FRYL: variants seen among roughly 807,000 people sequenced by gnomAD.
FRYL encodes protein furry homolog-like.
Under a neutral mutation model 351.2 loss-of-function variants are expected in FRYL, and 150 were observed. The ratio of observed to expected loss-of-function variants is 0.43; its 90% confidence interval spans 0.37 to 0.49. The LOEUF is 0.49. FRYL is among the 20% of genes least tolerant of loss of function. The pLI is 0.00. For synonymous variants in FRYL, 1,153 were observed against 1,257.1 expected, an observed-to-expected ratio of 0.92 and a Z score of 1.75; for missense variants, 3,036 against 3,619.3, an observed-to-expected ratio of 0.84 and a Z score of 4.13.
chr4:48,731,784 C>T (rs1208794137), intron 1 of FRYL, among the ~76,000 whole-genome samples: 1 of 152,090 alleles, frequency 6.6e-6, no homozygotes, highest in African/African-American at 2.4e-5. Context: ...AAAATCAACT[C>T]GAGATGGATC....
At chr4:48,702,172 T>C (rs1352474059) in intron 2 of FRYL, among the ~76,000 whole-genome samples, 1 of 151,934 alleles carries the variant, frequency 6.6e-6, no homozygotes. Flanking sequence ...AAATAAAAAA[T>C]AGGCCAGGTA....
chr4:48,511,261 T>C (rs1722416560), intron 57 of FRYL, among the ~76,000 whole-genome samples: 1 of 152,154 alleles, frequency 6.6e-6, no homozygotes, highest in South Asian at 2.1e-4. Context: ...GGCAGACAGA[T>C]GGATGCATGC....
chr4:48,716,150 T>A (rs1299395238), intron 1 of FRYL, among the ~76,000 whole-genome samples: 3 of 152,062 alleles, frequency 2.0e-5, no homozygotes, highest in Non-Finnish European at 4.4e-5. Flanking sequence ...ACTTAAACGT[T>A]AGACCTAAAA....
intron 24 of FRYL, 35 bp from the exon 25 acceptor site, chr4:48,575,276 A>G (rs751606626): frequency 6.2e-7 from 1 of 1,602,400 alleles, no homozygotes; most frequent in Non-Finnish European, 8.5e-7. Flanking sequence ...AACAGCCACT[A>G]ATGATACTAT....
chr4:48,765,454 A>T (rs1356562309), intron 1 of FRYL, among the ~76,000 whole-genome samples: 1 of 152,238 alleles, frequency 6.6e-6, no homozygotes, highest in African/African-American at 2.4e-5. Flanking sequence ...CACATGCAGA[A>T]GAATGAAATT....
intron 3 of FRYL, among the ~76,000 whole-genome samples, chr4:48,645,773 A>G (rs1756345636): frequency 6.6e-6 from 1 of 152,174 alleles, no homozygotes; most frequent in Admixed American, 6.5e-5. Flanking sequence ...AATTTTACTT[A>G]AAGTTGATTG....
intron 1 of FRYL, among the ~76,000 whole-genome samples, chr4:48,774,763 G>T (rs936986900): frequency 6.6e-6 from 1 of 152,052 alleles, no homozygotes; most frequent in African/African-American, 2.4e-5. Flanking sequence ...GGCCAGGCTG[G>T]TCTCGAACTC....
chr4:48,534,548 T>C lies in FRYL; in HGVS notation c.6702A>G (p.Val2234=). ...TGTAAGTTTTGTGGTCACTCACCTG[T>C]ACATATTTGCCAATAATCTTTATGA... The part of the protein sequence containing the change: ...LEIIKIIGKY[V]QSPYWKEALN... The change falls in exon 49 of 64, where the codon GTA becomes GTG. Residue 2234 remains valine, a synonymous_variant. Transcript: ENST00000358350. The C allele has an allele frequency of 1.2e-6, 2 of 1,611,012 alleles. No homozygotes were observed. Among genetic ancestry groups the C allele is most frequent in the Non-Finnish European group, 1.7e-6 (2 of 1,178,338 alleles).
Position 48,540,595 on chromosome 4 carries a change from T to G in FRYL, c.6053A>C (p.Glu2018Ala). 1 of 1,614,020 alleles carries G rather than the reference T, an allele frequency of 6.2e-7. No homozygotes were observed. The highest frequency in any genetic ancestry group is 8.5e-7 in the Non-Finnish European group (1 of 1,179,966). ...GAGAAGCCTGAGAGCCAGGAGGTAT[T>G]CATATTCATAATCTGATTCTAATAA... ...ASLLESDYEY[E>A]YLLALRLLNK... Residue 2018 changes from glutamate to alanine, a missense_variant, in exon 46 of 64, where the codon GAA becomes GCA. Glu to Ala is a moderately radical substitution (Grantham distance 107). Around this residue, in one of 7 missense-constraint regions of FRYL, gnomAD observed 1,987 missense variants for 2,311.7 expected, o/e 0.86. Transcript: ENST00000358350.
At chr4:48,555,450 G>C (rs1733863276) in intron 35 of FRYL, among the ~76,000 whole-genome samples, 3 of 152,236 alleles carry the variant, frequency 2.0e-5, no homozygotes, top group Admixed American at 2.0e-4. Flanking sequence ...GAAAGGAAAT[G>C]GAGTGTGTGT....
chr4:48,720,038 T>C lies in FRYL; in HGVS notation c.-383-9340A>G, dbSNP rs184130506. ...GGTGGCGTGCACCTGTAATCCCAGC[T>C]ACTTGGGAGGCTGAGGCAGGAGAAT... On this transcript the variant is annotated intron_variant, in intron 1 of 63. Transcript: ENST00000358350. Among the ~76,000 whole-genome samples the C allele has an allele frequency of 2.0e-4, 30 of 150,104 alleles. 1 individual carries two copies. Among genetic ancestry groups the C allele is most frequent in the African/African-American group, 6.4e-4 (26 of 40,908 alleles).
chr4:48,511,574 C>A lies in FRYL; in HGVS notation c.8146-590G>T, dbSNP rs187638935. Reference sequence around the variant, plus strand: ...AGTATACCTACTTATATATGTGTTGCACTGTTAGGTGGCATTATGATTAAA... The same window carrying A: ...AGTATACCTACTTATATATGTGTTGAACTGTTAGGTGGCATTATGATTAAA... On this transcript the variant is annotated intron_variant, in intron 57 of 63. Coordinates refer to ENST00000358350, the MANE Select transcript of FRYL (RefSeq NM_015030.2). Among the ~76,000 whole-genome samples, 3 of 152,242 alleles carry A rather than the reference C, an allele frequency of 2.0e-5. No homozygotes were observed. The East Asian group carries it at 5.8e-4, about 29-fold the overall frequency.
At chr4:48,702,832 G>A (rs1264646621) in intron 2 of FRYL, among the ~76,000 whole-genome samples, 1 of 151,330 alleles carries the variant, frequency 6.6e-6, no homozygotes, top group Non-Finnish European at 1.5e-5. Context: ...ATAAATACAT[G>A]AATATTTCTC....
At position 48,570,957 on chromosome 4, in the gene FRYL, T is replaced by C. The variant is rs774040569; in HGVS notation, c.2905-39A>G. The stretch of plus-strand genomic sequence containing the variant: ...ACAAACACATTAATTAAAATCCTGC[T>C]GGTGTAACTTGGAAAGAATAATGTG... On this transcript the variant is annotated intron_variant, in intron 26 of 63. Coordinates refer to ENST00000358350, the MANE Select transcript of FRYL (RefSeq NM_015030.2). 4 of 1,479,834 alleles carry C rather than the reference T, an allele frequency of 2.7e-6. No individual in the cohort carries two copies. The East Asian group carries it at 6.8e-5, about 25-fold the overall frequency. 91.7% of individuals were successfully genotyped at this position (1,479,834 alleles called of 1,614,324 possible). A position where few individuals can be genotyped will look rare whatever the true frequency, so the allele number is the denominator to read the frequency against.
chr4:48,512,636 G>A lies in FRYL; in HGVS notation c.7990C>T (p.Pro2664Ser). 2 of 1,613,972 alleles carry A rather than the reference G, an allele frequency of 1.2e-6. No individual in the cohort carries two copies. The highest frequency in any genetic ancestry group is 1.7e-6 in the Non-Finnish European group (2 of 1,179,932). Reference protein sequence around the residue: ...GFPEVQTSPLPSPFLSAIIAA... With the variant: ...GFPEVQTSPLSSPFLSAIIAA... ...ATGATGGCAGAAAGAAATGGTGACGGCAGAGGCGACGTCTGTACTTCTGGA... is the reference window on the plus strand; with the variant it reads ...ATGATGGCAGAAAGAAATGGTGACGACAGAGGCGACGTCTGTACTTCTGGA... The change falls in exon 57 of 64, where the codon CCG (proline) becomes TCG (serine). Residue 2664 changes from proline (P) to serine (S), a missense_variant. Transcript: ENST00000358350.
intron 3 of FRYL, among the ~76,000 whole-genome samples, chr4:48,669,288 C>T (rs1762256983): frequency 6.6e-6 from 1 of 152,126 alleles, no homozygotes; most frequent in Non-Finnish European, 1.5e-5. Context: ...ACAATTAGAG[C>T]AGGTGCAGCC....
At chr4:48,747,873 A>C (rs1017809141) in intron 1 of FRYL, among the ~76,000 whole-genome samples, 21 of 152,240 alleles carry the variant, frequency 1.4e-4, no homozygotes, top group Non-Finnish European at 2.8e-4. Flanking sequence ...AAAAGGGATA[A>C]TAAAAGTGCT....
intron 3 of FRYL, among the ~76,000 whole-genome samples, chr4:48,635,732 T>C (rs559732276): frequency 6.6e-6 from 1 of 152,318 alleles, no homozygotes; most frequent in East Asian, 1.9e-4. Flanking sequence ...ACTTAGCTTA[T>C]GTTGCCTTTT....
At chr4:48,605,434 G>C (rs1746579061) in intron 11 of FRYL, among the ~76,000 whole-genome samples, 1 of 152,064 alleles carries the variant, frequency 6.6e-6, no homozygotes, top group South Asian at 2.1e-4. Flanking sequence ...CTTCATTTTT[G>C]AGATTTTAAT....
Sources: gnomAD v4.1 joint callset for allele counts (sites outside exome capture counted in the v4.1 genomes callset) on GRCh38, gnomAD v4.1.1 for gene constraint, gnomAD v4.1.1 regional missense constraint, MANE v1.5 for transcripts, NCBI Gene and HGNC (gene_info 2026-07-23, HGNC 2026-07-21) for gene names.